PIGK: variants seen among roughly 807,000 people sequenced by gnomAD.
PIGK encodes phosphatidylinositol glycan anchor biosynthesis class K.
A neutral mutation model predicts 50.6 loss-of-function variants in PIGK; 42 were observed. The observed-to-expected ratio is 0.83, with a 90% CI of 0.65 to 1.07. The LOEUF (loss-of-function observed/expected upper bound fraction) is 1.07, where lower values mean the gene tolerates loss of function less well. PIGK is among the 50% of genes least tolerant of loss of function. The probability of loss-of-function intolerance (pLI) is 0.00; values close to 1 mark genes in which losing one functional copy is unlikely to be tolerated. For synonymous variants in PIGK, 151 were observed against 156.0 expected (o/e 0.97, Z 0.24); for missense variants, 448 against 488.7 (o/e 0.92, Z 0.78).
At chr1:77,100,078 C>T (rs1023099478) in intron 10 of PIGK, among the ~76,000 whole-genome samples, 1 of 152,054 alleles carries the variant, frequency 6.6e-6, no homozygotes, top group African/African-American at 2.4e-5. Flanking sequence ...AACATTACCA[C>T]ATAACTTTAA....
intron 2 of PIGK, among the ~76,000 whole-genome samples, chr1:77,209,602 A>G (rs1656369651): frequency 1.3e-5 from 2 of 152,088 alleles, no homozygotes; most frequent in African/African-American, 2.4e-5. Flanking sequence ...CTAAAGAGAA[A>G]ATCAGTCAGG....
intron 10 of PIGK, among the ~76,000 whole-genome samples, chr1:77,093,585 A>G (rs546387132): frequency 6.6e-6 from 1 of 152,284 alleles, no homozygotes; most frequent in South Asian, 2.1e-4. Flanking sequence ...AACTTGAATC[A>G]TAATTCTAGA....
At chr1:77,206,500 T>A (rs1267535015) in intron 3 of PIGK, 140 bp downstream of exon 3, 2 of 568,804 alleles carry the variant, frequency 3.5e-6, no homozygotes, top group African/African-American at 3.8e-5. Context: ...GGTAGTATGC[T>A]CTAATGAGAA....
chr1:77,100,221 A>C (rs1422965275), intron 10 of PIGK, among the ~76,000 whole-genome samples: 1 of 152,234 alleles, frequency 6.6e-6, no homozygotes, highest in Non-Finnish European at 1.5e-5. Flanking sequence ...TCTTAAATGT[A>C]TAATGAGCAT....
At chr1:77,113,688 T>A (rs755737674) in intron 10 of PIGK, among the ~76,000 whole-genome samples, 1 of 152,166 alleles carries the variant, frequency 6.6e-6, no homozygotes, top group Non-Finnish European at 1.5e-5. Flanking sequence ...AATTGCGTTA[T>A]GAATGGTGGC....
At chr1:77,183,273 C>A (rs1241819363) in intron 3 of PIGK, among the ~76,000 whole-genome samples, 3 of 152,300 alleles carry the variant, frequency 2.0e-5, no homozygotes, top group Admixed American at 1.3e-4. Context: ...ACCTTTTCTG[C>A]CAGAAGAAAC....
At chr1:77,122,606 C>T (rs1654127157) in intron 9 of PIGK, among the ~76,000 whole-genome samples, 1 of 152,170 alleles carries the variant, frequency 6.6e-6, no homozygotes, top group Non-Finnish European at 1.5e-5. Flanking sequence ...CAGATCCTGT[C>T]TTTCTCTGAG....
At chr1:77,214,364 T>C (rs988478899) in intron 1 of PIGK, among the ~76,000 whole-genome samples, 1 of 151,954 alleles carries the variant, frequency 6.6e-6, no homozygotes, top group African/African-American at 2.4e-5. Flanking sequence ...CAAATCAATA[T>C]ACATGATGTA....
At chr1:77,147,050 G>C (rs1428345753) in intron 9 of PIGK, among the ~76,000 whole-genome samples, 1 of 151,476 alleles carries the variant, frequency 6.6e-6, no homozygotes, top group Non-Finnish European at 1.5e-5. Flanking sequence ...TCGAGACTGG[G>C]AAGAAAAATA....
chr1:77,154,473 T>C lies in PIGK; in HGVS notation c.962A>G (p.Gln321Arg). 6.2e-7 allele frequency: 1 copy of C among 1,610,172 alleles called. No homozygotes were observed. Among genetic ancestry groups the C allele is most frequent in the Non-Finnish European group, 8.5e-7 (1 of 1,177,364 alleles). Residue 321 changes from glutamine to arginine, a missense_variant, in exon 9 of 11, where the codon CAG becomes CGG. Gln to Arg is a conservative substitution (Grantham distance 43). Coordinates refer to ENST00000370812, the MANE Select transcript of PIGK (RefSeq NM_005482.3). ...EITTETIKLQ[Q>R]DSEIMESSYK... ...CCTGCTTTCCATGATTTCTGAATCC[T>C]GTTGCAATTTAATAGTCTCTGTTGT...
chr1:77,095,613 G>A (rs1653389399), intron 10 of PIGK, among the ~76,000 whole-genome samples: 1 of 152,080 alleles, frequency 6.6e-6, no homozygotes, highest in Non-Finnish European at 1.5e-5. Flanking sequence ...ACTGCTTCCT[G>A]GAAGGCTTAG....
chr1:77,101,929 A>G (rs900809392), intron 10 of PIGK, among the ~76,000 whole-genome samples: 2 of 152,180 alleles, frequency 1.3e-5, no homozygotes, highest in Admixed American at 1.3e-4. Flanking sequence ...ACTTGAACCC[A>G]GGAGGCGGAG....
chr1:77,170,296 T>C (rs1655330521), intron 3 of PIGK, among the ~76,000 whole-genome samples: 1 of 152,202 alleles, frequency 6.6e-6, no homozygotes, highest in African/African-American at 2.4e-5. Context: ...TCTCTCCAAC[T>C]TCAGCCTCTA....
chr1:77,181,058 T>C (rs72683929), intron 3 of PIGK, among the ~76,000 whole-genome samples: 5,657 of 152,252 alleles, frequency 0.037, 205 homozygotes, highest in South Asian at 0.21. Context: ...CATGCCTATA[T>C]AGATATTTTT....
intron 1 of PIGK, among the ~76,000 whole-genome samples, chr1:77,218,348 C>T (rs543966635): frequency 9.2e-5 from 14 of 152,284 alleles, no homozygotes; most frequent in Admixed American, 3.3e-4. Flanking sequence ...ATAAAGTAAT[C>T]GCAAGAGTCT....
chr1:77,124,060 A>G (rs1654167821), intron 9 of PIGK, among the ~76,000 whole-genome samples: 1 of 151,964 alleles, frequency 6.6e-6, no homozygotes, highest in Admixed American at 6.6e-5. Flanking sequence ...AAGGAGAGAG[A>G]CCTTAGGAGA....
intron 8 of PIGK, among the ~76,000 whole-genome samples, chr1:77,157,848 T>C (rs955596666): frequency 8.5e-5 from 13 of 152,156 alleles, no homozygotes; most frequent in Admixed American, 8.5e-4. Flanking sequence ...TGAATAAGTC[T>C]CACAAGATCT....
intron 3 of PIGK, among the ~76,000 whole-genome samples, chr1:77,196,038 T>A (rs1406762863): frequency 6.6e-6 from 1 of 152,160 alleles, no homozygotes; most frequent in East Asian, 1.9e-4. Flanking sequence ...GCATGTGTAC[T>A]CAATGCTTAG....
At chr1:77,131,819 T>C (rs1461674038) in intron 9 of PIGK, among the ~76,000 whole-genome samples, 1 of 152,132 alleles carries the variant, frequency 6.6e-6, no homozygotes, top group Non-Finnish European at 1.5e-5. Flanking sequence ...TGTACATCTG[T>C]GATCACAAGT....
Sources: allele counts gnomAD v4.1 joint callset (sites outside exome capture counted in the v4.1 genomes callset), GRCh38; gene constraint gnomAD v4.1.1; transcripts MANE v1.5; gene names NCBI Gene and HGNC (gene_info 2026-07-23, HGNC 2026-07-21).